The following NLGN1 variants were observed in gnomAD, a reference collection of about 807,000 sequenced individuals.
The protein encoded by NLGN1 is neuroligin 1.
In NLGN1, 12 loss-of-function variants were observed where a neutral mutation model predicts 65.5. The ratio of observed to expected loss-of-function variants is 0.18; its 90% CI spans 0.12 to 0.30. The LOEUF (loss-of-function observed/expected upper bound fraction) is 0.30. Among genes scored for constraint, NLGN1 ranks in the 10% least tolerant of loss-of-function variants. The pLI is 1.00. For missense variants in NLGN1, 750 were observed against 1,007.1 expected (o/e 0.74, Z 3.46); for synonymous variants, 350 against 359.5 (o/e 0.97, Z 0.30).
At chr3:173,832,884 A>G (rs559059441) in intron 4 of NLGN1, among the ~76,000 whole-genome samples, 30 of 152,206 alleles carry the variant, frequency 2.0e-4, no homozygotes, top group African/African-American at 7.2e-4. Context: ...TCTTACACAA[A>G]TAAGTCTTGT....
chr3:173,447,146 A>G (rs1210547360), intron 2 of NLGN1, among the ~76,000 whole-genome samples: 5 of 152,192 alleles, frequency 3.3e-5, no homozygotes, highest in African/African-American at 4.8e-5. Flanking sequence ...GCCCATGCCT[A>G]TGTCCTGAAT....
intron 2 of NLGN1, among the ~76,000 whole-genome samples, chr3:173,540,887 G>A (rs111600809): frequency 7.9e-5 from 12 of 152,244 alleles, no homozygotes; most frequent in African/African-American, 2.9e-4. Context: ...TATCACTGAA[G>A]GGTTTAGTTC....
chr3:173,636,094 A>G (rs1023387549), intron 3 of NLGN1, among the ~76,000 whole-genome samples: 2 of 152,066 alleles, frequency 1.3e-5, no homozygotes, highest in African/African-American at 4.8e-5. Flanking sequence ...TTACAGTTCT[A>G]TGAAAAGTAA....
intron 3 of NLGN1, among the ~76,000 whole-genome samples, chr3:173,798,136 T>C (rs1400999966): frequency 6.6e-6 from 1 of 152,118 alleles, no homozygotes; most frequent in African/African-American, 2.4e-5. Context: ...ATTAGCAAAC[T>C]AATGATTCAG....
intron 1 of NLGN1, among the ~76,000 whole-genome samples, chr3:173,399,167 TCA>T (rs1298456398): frequency 6.6e-6 from 1 of 152,242 alleles, no homozygotes; most frequent in Non-Finnish European, 1.5e-5. Context: ...ATTGAGTGAT[TCA>T]CAGAGAAAGT....
intron 2 of NLGN1, among the ~76,000 whole-genome samples, chr3:173,538,129 G>A (rs1577160339): frequency 6.6e-6 from 1 of 152,144 alleles, no homozygotes; most frequent in East Asian, 1.9e-4. Context: ...TACTACTTCT[G>A]TTTCCACCCT....
chr3:173,869,930 T>G (rs1730865013), intron 4 of NLGN1, among the ~76,000 whole-genome samples: 1 of 152,152 alleles, frequency 6.6e-6, no homozygotes, highest in Non-Finnish European at 1.5e-5. Flanking sequence ...TCAGATAAAT[T>G]GAGCACACAT....
chr3:173,607,633 T>C (rs756811773), intron 3 of NLGN1, among the ~76,000 whole-genome samples: 25 of 151,774 alleles, frequency 1.6e-4, no homozygotes, highest in Non-Finnish European at 2.5e-4. Context: ...ATGAAGGGGC[T>C]ATTTTGGTTA....
chr3:174,141,956 A>C (rs1009974537), intron 4 of NLGN1, among the ~76,000 whole-genome samples: 5 of 152,198 alleles, frequency 3.3e-5, no homozygotes, highest in African/African-American at 1.2e-4. Flanking sequence ...TATAAAACCA[A>C]AACACACGGC....
intron 3 of NLGN1, among the ~76,000 whole-genome samples, chr3:173,696,569 C>G: frequency 6.6e-6 from 1 of 152,188 alleles, no homozygotes; most frequent in South Asian, 2.1e-4. Context: ...TGGTAAGCAT[C>G]GTTGAGGAAG....
chr3:173,530,389 G>C (rs772274975), intron 2 of NLGN1, among the ~76,000 whole-genome samples: 1 of 137,432 alleles, frequency 7.3e-6, no homozygotes, highest in African/African-American at 2.8e-5. Flanking sequence ...TCTATGTGTT[G>C]TCGTCCTGGA....
At chr3:174,053,468 CTGTTT>C (rs1735364331) in intron 4 of NLGN1, among the ~76,000 whole-genome samples, 1 of 151,892 alleles carries the variant, frequency 6.6e-6, no homozygotes, top group African/African-American at 2.4e-5. Flanking sequence ...TTAATTGATT[CTGTTT>C]TTTCAGTGGG....
chr3:173,704,227 T>A (rs950242381), intron 3 of NLGN1, among the ~76,000 whole-genome samples: 1 of 152,194 alleles, frequency 6.6e-6, no homozygotes, highest in Admixed American at 6.5e-5. Flanking sequence ...TGTCCTAATG[T>A]CTGACACTGT....
intron 4 of NLGN1, among the ~76,000 whole-genome samples, chr3:173,993,655 G>GATAT (rs3034625): frequency 7.6e-4 from 3 of 3,968 alleles, no homozygotes; most frequent in Non-Finnish European, 1.4e-3. Flanking sequence ...CTAGATAGAT[G>GATAT]ATAGATAGAT....
At chr3:174,263,496 G>A (rs1430436544) in intron 4 of NLGN1, among the ~76,000 whole-genome samples, 1 of 149,980 alleles carries the variant, frequency 6.7e-6, no homozygotes, top group East Asian at 2.0e-4. Flanking sequence ...TCAGAGACTA[G>A]GATTGCAACC....
chr3:173,548,625 T>A (rs867704366), intron 2 of NLGN1, among the ~76,000 whole-genome samples: 1 of 151,996 alleles, frequency 6.6e-6, no homozygotes, highest in Non-Finnish European at 1.5e-5. Flanking sequence ...AGTTTGGTAA[T>A]GAAGGCTGGA....
intron 2 of NLGN1, among the ~76,000 whole-genome samples, chr3:173,445,105 A>G (rs1258377393): frequency 6.6e-6 from 1 of 151,420 alleles, no homozygotes; most frequent in Non-Finnish European, 1.5e-5. Context: ...CGTCTCTACT[A>G]AAAATACAAA....
intron 3 of NLGN1, among the ~76,000 whole-genome samples, chr3:173,731,151 A>G (rs1028300140): frequency 3.3e-5 from 5 of 151,948 alleles, no homozygotes; most frequent in Admixed American, 6.6e-5. Context: ...GTACTATTTT[A>G]TGCATAATGT....
At chr3:173,701,034 A>G (rs1425358648) in intron 3 of NLGN1, among the ~76,000 whole-genome samples, 1 of 152,132 alleles carries the variant, frequency 6.6e-6, no homozygotes, top group Non-Finnish European at 1.5e-5. Flanking sequence ...CTGAGGCAGG[A>G]GAATGGCGTG....
Sources: allele counts gnomAD v4.1 joint callset (sites outside exome capture counted in the v4.1 genomes callset), GRCh38; gene constraint gnomAD v4.1.1; transcripts MANE v1.5; gene names NCBI Gene and HGNC (gene_info 2026-07-23, HGNC 2026-07-21).